Variants in GRID2 observed in about 807,000 individuals in gnomAD.
The protein encoded by GRID2 is glutamate receptor ionotropic, delta-2.
A neutral mutation model predicts 114.8 loss-of-function variants in GRID2; 33 were observed. The ratio of observed to expected loss-of-function variants is 0.29; its 90% CI spans 0.22 to 0.38. The LOEUF (loss-of-function observed/expected upper bound fraction) is 0.38, where lower values mean the gene tolerates loss of function less well. Among genes scored for constraint, GRID2 ranks in the 10% least tolerant of loss-of-function variants. The probability of loss-of-function intolerance (pLI) is 1.00; values close to 1 mark genes in which losing one functional copy is unlikely to be tolerated. For missense variants in GRID2, 1,184 were observed against 1,257.7 expected (o/e 0.94, Z 0.89); for synonymous variants, 505 against 449.9 (o/e 1.12, Z -1.55).
chr4:92,455,241 T>G (rs993193908), intron 1 of GRID2, among the ~76,000 whole-genome samples: 1 of 152,230 alleles, frequency 6.6e-6, no homozygotes, highest in African/African-American at 2.4e-5. Context: ...TGAGCAAGTA[T>G]TTTTTGAGGT....
chr4:93,088,300 A>G (rs1311464074), intron 3 of GRID2, among the ~76,000 whole-genome samples: 1 of 152,176 alleles, frequency 6.6e-6, no homozygotes, highest in African/African-American at 2.4e-5. Context: ...ATGCTTGAAA[A>G]TAGGTTAGGA....
chr4:93,784,666 ACACACACACCACG>A (rs1734556113), intron 1 of GRID2, among the ~76,000 whole-genome samples: 1 of 151,468 alleles, frequency 6.6e-6, no homozygotes, highest in African/African-American at 2.4e-5. Flanking sequence ...ACACACACAC[ACACACACACCACG>A]GTATCGCAGA....
intron 1 of GRID2, among the ~76,000 whole-genome samples, chr4:92,577,038 C>T (rs1727928927): frequency 6.6e-6 from 1 of 152,118 alleles, no homozygotes; most frequent in South Asian, 2.1e-4. Flanking sequence ...TAATTGCCAA[C>T]ATAAATTCTC....
intron 14 of GRID2, among the ~76,000 whole-genome samples, chr4:93,711,439 G>A (rs1159068129): frequency 6.6e-6 from 1 of 152,142 alleles, no homozygotes; most frequent in Non-Finnish European, 1.5e-5. Flanking sequence ...GATTGAGCTG[G>A]TATCCAAGTT....
intron 1 of GRID2, among the ~76,000 whole-genome samples, chr4:92,526,531 C>G (rs777348331): frequency 2.8e-4 from 42 of 151,712 alleles, no homozygotes; most frequent in Non-Finnish European, 5.7e-4. Context: ...TTTAGTAGAG[C>G]CAGGGTTTCA....
chr4:93,348,043 T>C (rs1052907107), intron 8 of GRID2, among the ~76,000 whole-genome samples: 1 of 152,142 alleles, frequency 6.6e-6, no homozygotes, highest in African/African-American at 2.4e-5. Context: ...TTTCAATCCA[T>C]AAACCAGAAA....
At chr4:93,368,493 A>G (rs1216914323) in intron 8 of GRID2, among the ~76,000 whole-genome samples, 1 of 151,924 alleles carries the variant, frequency 6.6e-6, no homozygotes. Context: ...ATGTTGGTGT[A>G]CTGCACCCAT....
chr4:92,432,211 G>T (rs746435501), intron 1 of GRID2, among the ~76,000 whole-genome samples: 1 of 152,040 alleles, frequency 6.6e-6, no homozygotes, highest in East Asian at 1.9e-4. Flanking sequence ...ACACAGTATT[G>T]GGTCTCTCCT....
chr4:93,122,840 T>A (rs1457579754), intron 4 of GRID2, among the ~76,000 whole-genome samples: 1 of 151,572 alleles, frequency 6.6e-6, no homozygotes, highest in African/African-American at 2.4e-5. Context: ...TTTAGCTTTA[T>A]AAGCTTGTAT....
At chr4:93,755,692 A>G (rs1298563090) in intron 14 of GRID2, among the ~76,000 whole-genome samples, 2 of 152,228 alleles carry the variant, frequency 1.3e-5, no homozygotes, top group African/African-American at 2.4e-5. Flanking sequence ...TGATGTTACA[A>G]TTTTAACGAA....
At chr4:92,511,342 G>A (rs1263209027) in intron 1 of GRID2, among the ~76,000 whole-genome samples, 4 of 151,760 alleles carry the variant, frequency 2.6e-5, no homozygotes, top group African/African-American at 4.8e-5. Flanking sequence ...GCACTAATCC[G>A]TTCATGAAGA....
chr4:92,849,953 T>C (rs1428537262), intron 2 of GRID2, among the ~76,000 whole-genome samples: 1 of 151,594 alleles, frequency 6.6e-6, no homozygotes, highest in Admixed American at 6.6e-5. Context: ...TAATATATTT[T>C]ATAGCTTTCT....
chr4:93,011,531 C>T (rs1219719495), intron 2 of GRID2, among the ~76,000 whole-genome samples: 1 of 151,998 alleles, frequency 6.6e-6, no homozygotes, highest in African/African-American at 2.4e-5. Context: ...GAGCCCCCAG[C>T]CCCCAGCAAT....
intron 14 of GRID2, among the ~76,000 whole-genome samples, chr4:93,680,777 C>T (rs1409199190): frequency 5.9e-5 from 9 of 152,124 alleles, no homozygotes; most frequent in Middle Eastern, 3.4e-3. Flanking sequence ...TGGGACGTAT[C>T]TCAAAATAAT....
At chr4:92,591,754 A>G (rs943510994) in intron 2 of GRID2, among the ~76,000 whole-genome samples, 3 of 152,136 alleles carry the variant, frequency 2.0e-5, no homozygotes, top group African/African-American at 7.2e-5. Flanking sequence ...TGGTGGTCTA[A>G]AAGTTTTTTC....
At chr4:92,574,648 G>T (rs1247722505) in intron 1 of GRID2, among the ~76,000 whole-genome samples, 1 of 151,996 alleles carries the variant, frequency 6.6e-6, no homozygotes. Context: ...GTTACATTTT[G>T]CCCTCCAATC....
chr4:93,206,147 T>C (rs1174734566), intron 4 of GRID2, among the ~76,000 whole-genome samples: 1 of 152,078 alleles, frequency 6.6e-6, no homozygotes, highest in Non-Finnish European at 1.5e-5. Flanking sequence ...TATCTGATCA[T>C]GTACTATCTC....
chr4:92,485,783 A>G (rs1177637031), intron 1 of GRID2, among the ~76,000 whole-genome samples: 1 of 152,128 alleles, frequency 6.6e-6, no homozygotes, highest in East Asian at 1.9e-4. Context: ...CAGACTTTGC[A>G]TATGTCAGTG....
intron 2 of GRID2, among the ~76,000 whole-genome samples, chr4:92,919,154 A>G (rs1553948556): frequency 6.6e-6 from 1 of 152,090 alleles, no homozygotes; most frequent in African/African-American, 2.4e-5. Flanking sequence ...TGTTTATACT[A>G]TTCTCTGATG....
Sources: allele counts gnomAD v4.1 joint callset (sites outside exome capture counted in the v4.1 genomes callset), GRCh38; gene constraint gnomAD v4.1.1; transcripts MANE v1.5; gene names NCBI Gene and HGNC (gene_info 2026-07-23, HGNC 2026-07-21).